Variants in NIBAN1 observed in about 807,000 individuals in gnomAD.
The protein encoded by NIBAN1 is niban apoptosis regulator 1.
Under a neutral mutation model 75.1 loss-of-function variants are expected in NIBAN1, and 81 were observed. That is an observed-to-expected ratio of 1.08 (90% CI 0.90 to 1.30). NIBAN1 has a LOEUF of 1.30. Ranked by LOEUF, NIBAN1 falls within the 50% of genes most tolerant of loss-of-function variation. NIBAN1 has a pLI of 0.00. For synonymous variants in NIBAN1, 436 were observed against 424.8 expected (o/e 1.03, Z -0.32); for missense variants, 1,133 against 1,128.1 (o/e 1.00, Z -0.06).
chr1:184,844,137 G>T (rs545460685), intron 5 of NIBAN1, among the ~76,000 whole-genome samples: 1 of 152,208 alleles, frequency 6.6e-6, no homozygotes, highest in Admixed American at 6.5e-5. Context: ...TATCACTGTA[G>T]CACATAAAAA....
intron 9 of NIBAN1, among the ~76,000 whole-genome samples, chr1:184,815,405 A>C (rs186465601): frequency 7.2e-5 from 11 of 152,282 alleles, no homozygotes; most frequent in African/African-American, 2.4e-4. Flanking sequence ...ACAACTGAGA[A>C]GGGTTCCTTC....
At chr1:184,882,501 C>T (rs775193624) in intron 5 of NIBAN1, among the ~76,000 whole-genome samples, 25 of 152,096 alleles carry the variant, frequency 1.6e-4, no homozygotes, top group Non-Finnish European at 1.6e-4. Context: ...AAAGCCTCAG[C>T]GAGGATAAAA....
chr1:184,799,832 G>A lies in NIBAN1; in HGVS notation c.1555-1642C>T, dbSNP rs1214362643. ...GCGATCTAGGCTCACTGCAAGCTCC[G>A]CCTCCCGGGTTCAAGCCATTCTCCT... On this transcript the variant is annotated intron_variant, in intron 12 of 13. Transcript: ENST00000367511. Among the ~76,000 whole-genome samples the A allele has an allele frequency of 3.6e-4, 30 of 82,492 alleles. 9 individuals are homozygous for A. The Admixed American group carries it at 3.8e-3, about 11-fold the overall frequency. The allele number at this position is 82,492 out of a possible 152,430, so 54.1% of individuals were successfully genotyped here.
chr1:184,859,404 A>G (rs1274890702), intron 5 of NIBAN1, among the ~76,000 whole-genome samples: 2 of 152,044 alleles, frequency 1.3e-5, no homozygotes, highest in Admixed American at 6.6e-5. Context: ...AAAGTGCTCA[A>G]CCTCCCTGTG....
intron 1 of NIBAN1, among the ~76,000 whole-genome samples, chr1:184,927,730 T>C (rs1657717228): frequency 6.6e-6 from 1 of 152,170 alleles, no homozygotes; most frequent in South Asian, 2.1e-4. Context: ...CTTGTGTCCT[T>C]ATTTTCAGAA....
At chr1:184,938,845 A>C (rs1040375251) in intron 1 of NIBAN1, among the ~76,000 whole-genome samples, 3 of 152,252 alleles carry the variant, frequency 2.0e-5, no homozygotes, top group African/African-American at 7.2e-5. Context: ...TTATTATATA[A>C]AGATTGTATT....
chr1:184,796,611 T>C (rs1045537187), intron 13 of NIBAN1, among the ~76,000 whole-genome samples: 1 of 152,156 alleles, frequency 6.6e-6, no homozygotes, highest in Non-Finnish European at 1.5e-5. Flanking sequence ...TGCATCTAGC[T>C]CAGTTTCAAA....
At chr1:184,868,622 T>C (rs1421775817) in intron 5 of NIBAN1, 1 of 152,226 alleles carries the variant, frequency 6.6e-6, no homozygotes, top group Non-Finnish European at 1.5e-5. Flanking sequence ...TTTCAATTGA[T>C]GTAGCAGCTC....
intron 10 of NIBAN1, 57 bp from the exon 11 acceptor site, chr1:184,806,113 C>T: frequency 6.9e-7 from 1 of 1,446,218 alleles, no homozygotes; most frequent in Non-Finnish European, 9.7e-7. Context: ...GATCACCACC[C>T]ACAGGCCTGG....
intron 13 of NIBAN1, among the ~76,000 whole-genome samples, chr1:184,796,729 T>C (rs1428603163): frequency 6.6e-6 from 1 of 152,228 alleles, no homozygotes; most frequent in East Asian, 1.9e-4. Flanking sequence ...CCCAAAAATA[T>C]CACATCTCAG....
intron 1 of NIBAN1, among the ~76,000 whole-genome samples, chr1:184,899,810 T>C (rs1190465567): frequency 5.8e-5 from 8 of 138,706 alleles, no homozygotes; most frequent in South Asian, 2.3e-4. Context: ...TCACTCTCTT[T>C]TTTTTTTTTT....
intron 1 of NIBAN1, among the ~76,000 whole-genome samples, chr1:184,931,257 C>G (rs1657815249): frequency 6.6e-6 from 1 of 152,188 alleles, no homozygotes; most frequent in Non-Finnish European, 1.5e-5. Flanking sequence ...ACCTCGGCCT[C>G]CCAAAGTGCT....
intron 1 of NIBAN1, among the ~76,000 whole-genome samples, chr1:184,914,830 C>A (rs1035517921): frequency 3.3e-5 from 5 of 150,822 alleles, no homozygotes; most frequent in African/African-American, 1.2e-4. Context: ...TCAAATGATT[C>A]TCCTGCCTCA....
At chr1:184,956,796 C>A (rs891529531) in intron 1 of NIBAN1, among the ~76,000 whole-genome samples, 2 of 152,124 alleles carry the variant, frequency 1.3e-5, no homozygotes, top group African/African-American at 4.8e-5. Flanking sequence ...TGGTACCATG[C>A]ACTAGATGAA....
At chr1:184,905,844 G>T (rs891379812) in intron 1 of NIBAN1, among the ~76,000 whole-genome samples, 1 of 152,168 alleles carries the variant, frequency 6.6e-6, no homozygotes, top group Non-Finnish European at 1.5e-5. Context: ...AAATATTCAA[G>T]AGTAAACCAA....
chr1:184,935,769 C>G (rs1281930705), intron 1 of NIBAN1, among the ~76,000 whole-genome samples: 1 of 149,484 alleles, frequency 6.7e-6, no homozygotes, highest in Non-Finnish European at 1.5e-5. Flanking sequence ...TCTAGGGACA[C>G]CAACTAAGTC....
At position 184,818,612 on chromosome 1, in the gene NIBAN1, C is replaced by T. The variant is rs147651682; in HGVS notation, c.1173+26G>A. 2.6e-6 allele frequency: 4 copies of T among 1,542,782 alleles called. No homozygotes were observed. The African/African-American group carries it at 5.4e-5, about 21-fold the overall frequency. ...AACACAGCCAGGCAGACCATTCACACCCAGCTCCTCAGCTTTGTATCCTAC... is the reference window on the plus strand; with the variant it reads ...AACACAGCCAGGCAGACCATTCACATCCAGCTCCTCAGCTTTGTATCCTAC... On this transcript the variant is annotated intron_variant, in intron 9 of 13. Coordinates refer to ENST00000367511, the MANE Select transcript of NIBAN1 (RefSeq NM_052966.4).
intron 1 of NIBAN1, among the ~76,000 whole-genome samples, chr1:184,943,203 C>A (rs1044937764): frequency 6.6e-6 from 1 of 152,198 alleles, no homozygotes; most frequent in African/African-American, 2.4e-5. Flanking sequence ...CTAAAACTAG[C>A]AAGCCTAATA....
chr1:184,838,958 T>C (rs1188154296), intron 5 of NIBAN1, among the ~76,000 whole-genome samples: 1 of 152,238 alleles, frequency 6.6e-6, no homozygotes, highest in Non-Finnish European at 1.5e-5. Context: ...AACTGTCTTT[T>C]GCTTCAGGTC....
Sources: allele counts gnomAD v4.1 joint callset (sites outside exome capture counted in the v4.1 genomes callset), GRCh38; gene constraint gnomAD v4.1.1; transcripts MANE v1.5; gene names NCBI Gene and HGNC (gene_info 2026-07-23, HGNC 2026-07-21).